Variants in EVI5 observed in about 807,000 individuals in gnomAD.
EVI5 encodes the protein ecotropic viral integration site 5 protein homolog.
Under a neutral mutation model 112.0 loss-of-function variants are expected in EVI5, and 73 were observed. That is an observed-to-expected ratio of 0.65 (90% CI 0.54 to 0.79). The LOEUF is 0.79. EVI5 is among the 30% of genes least tolerant of loss of function. The probability of loss-of-function intolerance (pLI) is 0.00; values close to 1 mark genes in which losing one functional copy is unlikely to be tolerated. For missense variants in EVI5, 900 were observed against 968.8 expected (o/e 0.93, Z 0.94); for synonymous variants, 305 against 319.9 (o/e 0.95, Z 0.50).
chr1:92,528,427 TTATAG>T (rs772040279), intron 19 of EVI5, among the ~76,000 whole-genome samples: 32 of 152,198 alleles, frequency 2.1e-4, no homozygotes, highest in Non-Finnish European at 4.0e-4. Context: ...GCTTGAACAA[TTATAG>T]TAGTCACCCA....
At chr1:92,730,667 G>A (rs2102765912) in intron 2 of EVI5, among the ~76,000 whole-genome samples, 2 of 122,726 alleles carry the variant, frequency 1.6e-5, no homozygotes, top group Admixed American at 9.7e-5. Flanking sequence ...TGGTGACAAA[G>A]CAAGACCTTC....
intron 13 of EVI5, among the ~76,000 whole-genome samples, chr1:92,642,237 T>G (rs1660130134): frequency 6.6e-6 from 1 of 152,236 alleles, no homozygotes; most frequent in Admixed American, 6.5e-5. Context: ...TTTGTGTAAC[T>G]GTAAGATTTT....
intron 2 of EVI5, among the ~76,000 whole-genome samples, chr1:92,733,552 C>T (rs959752584): frequency 2.0e-5 from 3 of 151,658 alleles, no homozygotes; most frequent in East Asian, 1.9e-4. Flanking sequence ...ACTACAGGCA[C>T]GCGCCACCAC....
chr1:92,630,106 T>G (rs1387505159), intron 14 of EVI5, among the ~76,000 whole-genome samples: 1 of 152,218 alleles, frequency 6.6e-6, no homozygotes, highest in Non-Finnish European at 1.5e-5. Context: ...TTTGCTATTG[T>G]GAATAGTGCC....
upstream of EVI5, among the ~76,000 whole-genome samples, chr1:92,785,648 G>A (rs1421193000): frequency 4.6e-5 from 7 of 152,230 alleles, no homozygotes; most frequent in South Asian, 1.2e-3. Context: ...GATTCAGCCG[G>A]GCAGCCCTCC....
At chr1:92,624,136 T>C in intron 16 of EVI5, 40 bp downstream of exon 16, 1 of 1,533,702 alleles carries the variant, frequency 6.5e-7, no homozygotes, top group Non-Finnish European at 9.0e-7. Flanking sequence ...CTTGATCAGC[T>C]AATGATACTT....
At chr1:92,712,567 C>T (rs764018368) in intron 2 of EVI5, among the ~76,000 whole-genome samples, 4 of 151,920 alleles carry the variant, frequency 2.6e-5, no homozygotes. Context: ...ATTAATTATA[C>T]CATCAAATTC....
At chr1:92,724,059 G>A (rs1178290875) in intron 2 of EVI5, among the ~76,000 whole-genome samples, 1 of 152,166 alleles carries the variant, frequency 6.6e-6, no homozygotes, top group Non-Finnish European at 1.5e-5. Flanking sequence ...TGCGTGCACA[G>A]TGGGACATAG....
intron 19 of EVI5, among the ~76,000 whole-genome samples, chr1:92,514,875 T>C (rs947883785): frequency 6.6e-6 from 1 of 152,220 alleles, no homozygotes; most frequent in African/African-American, 2.4e-5. Context: ...GATTTATAAA[T>C]CATTAAAACT....
intron 18 of EVI5, among the ~76,000 whole-genome samples, chr1:92,601,017 A>T (rs760886098): frequency 9.2e-5 from 14 of 152,228 alleles, no homozygotes; most frequent in African/African-American, 1.9e-4. Context: ...AAGTGGTGGT[A>T]GCAAAGTTAG....
chr1:92,603,044 T>C (rs1045939718), intron 18 of EVI5, among the ~76,000 whole-genome samples: 2 of 152,134 alleles, frequency 1.3e-5, no homozygotes, highest in African/African-American at 2.4e-5. Context: ...AGGACCTGAA[T>C]AGCCATTTCT....
At chr1:92,751,503 C>T (rs1378718099) in intron 1 of EVI5, among the ~76,000 whole-genome samples, 1 of 152,136 alleles carries the variant, frequency 6.6e-6, no homozygotes, top group Non-Finnish European at 1.5e-5. Flanking sequence ...AACTGTGATC[C>T]CAGGTATTCC....
intron 16 of EVI5, among the ~76,000 whole-genome samples, chr1:92,608,798 A>T (rs1249017206): frequency 2.0e-5 from 3 of 152,092 alleles, no homozygotes; most frequent in Non-Finnish European, 4.4e-5. Flanking sequence ...GTATTTCTAC[A>T]TGCTCTCAAT....
chr1:92,606,924 C>CACACACACACA lies in EVI5; in HGVS notation c.1974+656_1974+657insTGTGTGTGTGT, dbSNP rs1557886813. ...CACACACACACACACACACACACAC[C>CACACACACACA]CCCCCAAACCCTCCCTCCTCTCCTT... On this transcript the variant is annotated intron_variant, in intron 17 of 19. Coordinates refer to ENST00000684568, the MANE Select transcript of EVI5 (RefSeq NM_001350197.2). Among the ~76,000 whole-genome samples, 71 of 91,490 alleles carry CACACACACACA rather than the reference C, an allele frequency of 7.8e-4. 2 individuals are homozygous for CACACACACACA. The highest frequency in any genetic ancestry group is 2.3e-3 in the African/African-American group (64 of 28,044). 60.0% of individuals were successfully genotyped at this position (91,490 alleles called of 152,430 possible). A position where few individuals can be genotyped will look rare whatever the true frequency, so the allele number is the denominator to read the frequency against.
Position 92,662,337 on chromosome 1 carries a change from C to T in EVI5, c.1392+382G>A, listed in dbSNP as rs531129195. On this transcript the variant is annotated intron_variant, in intron 13 of 19. Transcript: ENST00000684568. ...CATGCTGGATAATGTTTCATCTGTACAATGAACAAAAACTAGCTGAAGTTG... is the reference window on the plus strand; with the variant it reads ...CATGCTGGATAATGTTTCATCTGTATAATGAACAAAAACTAGCTGAAGTTG... 2.6e-5 allele frequency among the ~76,000 whole-genome samples: 4 copies of T among 152,202 alleles called. No homozygotes were observed. In the South Asian group the frequency reaches 8.3e-4, roughly 32 times the overall value.
At chr1:92,679,654 A>C (rs1257904355) in intron 9 of EVI5, among the ~76,000 whole-genome samples, 1 of 152,216 alleles carries the variant, frequency 6.6e-6, no homozygotes, top group Non-Finnish European at 1.5e-5. Flanking sequence ...TGTTATAATT[A>C]ATGAACCAAT....
At chr1:92,574,020 T>C (rs555941243) in intron 18 of EVI5, among the ~76,000 whole-genome samples, 1 of 152,250 alleles carries the variant, frequency 6.6e-6, no homozygotes, top group Admixed American at 6.5e-5. Flanking sequence ...CTAACCTATA[T>C]ATTATATAGG....
At chr1:92,698,961 A>G (rs1447274179) in intron 5 of EVI5, among the ~76,000 whole-genome samples, 1 of 152,244 alleles carries the variant, frequency 6.6e-6, no homozygotes, top group Non-Finnish European at 1.5e-5. Flanking sequence ...AAATTGTTAA[A>G]CCATCTTTCT....
In EVI5 at chr1:92,624,327, A is replaced by G. The variant is rs1163648868; in HGVS notation, c.1676T>C (p.Leu559Ser). ...TTTCCATCTCCCAGTAGTACGAGCT[A>G]AGTGGCGCTAAAGCATAAAAAATTA... ...KDLEEHWQRH[L>S]ARTTGRWKDP... The change falls in exon 16 of 20, where the codon TTA becomes TCA. Residue 559 changes from leucine to serine, a missense_variant. Physicochemically the swap from Leu to Ser is moderately radical, Grantham distance 145. Transcript: ENST00000684568. 1 of 1,613,178 alleles carries G rather than the reference A, an allele frequency of 6.2e-7. No homozygotes were observed. The highest frequency in any genetic ancestry group is 8.5e-7 in the Non-Finnish European group (1 of 1,179,464).
Sources: allele counts gnomAD v4.1 joint callset (sites outside exome capture counted in the v4.1 genomes callset), GRCh38; gene constraint gnomAD v4.1.1; transcripts MANE v1.5; gene names NCBI Gene and HGNC (gene_info 2026-07-23, HGNC 2026-07-21).